SGF29: variants seen among roughly 807,000 people sequenced by gnomAD.
SGF29 encodes the protein SAGA complex associated factor 29, also known as SAGA-associated factor 29.
In SGF29, 15 loss-of-function variants were observed where a neutral mutation model predicts 38.1. The observed-to-expected ratio is 0.39, with a 90% CI of 0.26 to 0.61. The LOEUF (loss-of-function observed/expected upper bound fraction) is 0.61. SGF29 is among the 20% of genes least tolerant of loss of function. SGF29 has a pLI of 0.49. For synonymous variants in SGF29, 151 were observed against 160.8 expected, an observed-to-expected ratio of 0.94 and a Z score of 0.46; for missense variants, 184 against 394.6, an observed-to-expected ratio of 0.47 and a Z score of 4.52.
chr16:28,554,555 C>T (rs531998160), intron 1 of SGF29, among the ~76,000 whole-genome samples: 2 of 152,152 alleles, frequency 1.3e-5, no homozygotes, highest in African/African-American at 2.4e-5. Flanking sequence ...GCTCAACCTC[C>T]CGCCTCGGCC....
chr16:28,556,206 G>C (rs1401245639), intron 1 of SGF29, among the ~76,000 whole-genome samples: 2 of 152,128 alleles, frequency 1.3e-5, no homozygotes, highest in Non-Finnish European at 2.9e-5. Flanking sequence ...GTCTCGCTCT[G>C]TCACCCAGGC....
chr16:28,575,583 G>A (rs541264684), intron 1 of SGF29, among the ~76,000 whole-genome samples: 5 of 152,344 alleles, frequency 3.3e-5, no homozygotes, highest in Admixed American at 3.3e-4. Context: ...TACTCAGGAG[G>A]CTGAGGCAGG....
At position 28,590,647 on chromosome 16, in the gene SGF29, A is replaced by G. The variant is rs1467355196; in HGVS notation, c.583A>G (p.Ile195Val). Residue 195 changes from isoleucine to valine, a missense_variant, in exon 8 of 10, where the codon ATC becomes GTC. Transcript: ENST00000317058. This position sits in a 1 kb window ranked among gnomAD's most constrained non-coding sequence, Gnocchi z 8.2. ...HATNKYEVDD[I>V]DEEGKERHTL... ...TGTCTGCAGGTATGAGGTAGATGAC[A>G]TCGATGAAGAAGGCAAAGAGTGAGT... The G allele has an allele frequency of 3.1e-6, 5 of 1,613,884 alleles. No individual in the cohort carries two copies. Among genetic ancestry groups the G allele is most frequent in the Non-Finnish European group, 4.2e-6 (5 of 1,180,014 alleles).
Position 28,584,920 on chromosome 16 carries a change from G to A in SGF29, c.83G>A (p.Arg28His), listed in dbSNP as rs763940356. The A allele has an allele frequency of 8.1e-6, 13 of 1,613,262 alleles. No individual in the cohort carries two copies. The highest frequency in any genetic ancestry group is 1.7e-5 in the Admixed American group (1 of 59,968). Reference protein sequence around the residue: ...HQLIKQTQEERSRSEHNLVNI... With the variant: ...HQLIKQTQEEHSRSEHNLVNI... Reference sequence around the variant, plus strand: ...CTGCTCTTTTCCTTACAGGAAGAGCGTTCGCGGAGCGAACACAACTTAGTG... The same window carrying A: ...CTGCTCTTTTCCTTACAGGAAGAGCATTCGCGGAGCGAACACAACTTAGTG... Residue 28 changes from arginine (R) to histidine (H), a missense_variant, in exon 3 of 10, where the codon CGT becomes CAT. Physicochemically the swap from Arg to His is conservative, Grantham distance 29. Coordinates refer to ENST00000317058, the MANE Select transcript of SGF29 (RefSeq NM_138414.3).
chr16:28,554,391 A>G (rs961610530), intron 1 of SGF29, among the ~76,000 whole-genome samples: 4 of 152,242 alleles, frequency 2.6e-5, no homozygotes, highest in African/African-American at 7.2e-5. Flanking sequence ...GCACGGACGC[A>G]GCTTCCAGGT....
chr16:28,568,599 G>C (rs180716811), intron 1 of SGF29, among the ~76,000 whole-genome samples: 1 of 151,460 alleles, frequency 6.6e-6, no homozygotes, highest in Non-Finnish European at 1.5e-5. Context: ...GGGTGGTTGG[G>C]GGGGGCTCAC....
chr16:28,564,720 T>C (rs1267318245), intron 1 of SGF29, among the ~76,000 whole-genome samples: 7 of 86,236 alleles, frequency 8.1e-5, no homozygotes, highest in African/African-American at 2.2e-4. Flanking sequence ...TATATATGTA[T>C]ATATATACAT....
chr16:28,562,023 T>C (rs1482903680), intron 1 of SGF29, among the ~76,000 whole-genome samples: 2 of 152,206 alleles, frequency 1.3e-5, no homozygotes, highest in Non-Finnish European at 2.9e-5. Flanking sequence ...GCTTGTTCTC[T>C]CAGACAAGCC....
chr16:28,564,535 A>ATGTG (rs1382022028), intron 1 of SGF29, among the ~76,000 whole-genome samples: 1 of 114,024 alleles, frequency 8.8e-6, no homozygotes, highest in Non-Finnish European at 1.8e-5. Context: ...GTGTATATAT[A>ATGTG]TATGTATATA....
At chr16:28,585,135 T>C in intron 3 of SGF29, 147 bp downstream of exon 3, 1 of 617,676 alleles carries the variant, frequency 1.6e-6, no homozygotes, top group South Asian at 2.1e-5. Flanking sequence ...CAGCTTTCCG[T>C]TAATCTGGGT....
chr16:28,590,842 T>G lies in SGF29; in HGVS notation c.672T>G (p.Pro224=). The stretch of plus-strand genomic sequence containing the variant: ...GGAAGGCCAACCCGGAGACGGACCC[T>G]GAGGCCTTGTTCCAGAAGGAGCAGC... The part of the protein sequence containing the change: ...PQWKANPETD[P]EALFQKEQLV... Residue 224 remains proline, a synonymous_variant, in exon 9 of 10, where the codon CCT becomes CCG. Coordinates refer to ENST00000317058, the MANE Select transcript of SGF29 (RefSeq NM_138414.3). This position sits in a 1 kb window ranked among gnomAD's most constrained non-coding sequence, Gnocchi z 8.2. 1 of 1,614,036 alleles carries G rather than the reference T, an allele frequency of 6.2e-7. No individual in the cohort carries two copies. The highest frequency in any genetic ancestry group is 8.5e-7 in the Non-Finnish European group (1 of 1,179,962).
At chr16:28,561,215 G>A (rs973721423) in intron 1 of SGF29, among the ~76,000 whole-genome samples, 8 of 151,796 alleles carry the variant, frequency 5.3e-5, no homozygotes, top group Non-Finnish European at 5.9e-5. Flanking sequence ...AACATAGTGA[G>A]ACCCCATCTC....
chr16:28,582,681 T>C lies in SGF29; in HGVS notation c.75+1537T>C, dbSNP rs151072848. On this transcript the variant is annotated intron_variant, in intron 2 of 9. Coordinates refer to ENST00000317058, the MANE Select transcript of SGF29 (RefSeq NM_138414.3). ...AAAAAGGGCTGGGCGTGGTAACTCA[T>C]GCCTGTAATCCCAGCATGTTGGGAG... Among the ~76,000 whole-genome samples the C allele has an allele frequency of 9.3e-3, 1,411 of 152,298 alleles. 26 individuals are homozygous for C. The highest frequency in any genetic ancestry group is 0.033 in the African/African-American group (1,352 of 41,572).
intron 1 of SGF29, among the ~76,000 whole-genome samples, chr16:28,580,853 T>G (rs567267297): frequency 6.6e-6 from 1 of 152,282 alleles, no homozygotes; most frequent in Admixed American, 6.5e-5. Context: ...GGCTAAGTTT[T>G]TAATTTTTTT....
intron 1 of SGF29, among the ~76,000 whole-genome samples, chr16:28,561,961 T>C (rs1414116979): frequency 2.0e-5 from 3 of 152,240 alleles, no homozygotes; most frequent in South Asian, 4.1e-4. Context: ...TTTAGACTTA[T>C]GACTGACCAG....
chr16:28,564,772 TGTATATATATATATACACACAC>T (rs2046825733), intron 1 of SGF29, among the ~76,000 whole-genome samples: 1 of 41,056 alleles, frequency 2.4e-5, no homozygotes, highest in Admixed American at 3.2e-4. Context: ...TGTATATATA[TGTATATATATATATACACACAC>T]ACACACACAC....
intron 9 of SGF29, 87 bp downstream of exon 9, chr16:28,591,022 C>G: frequency 6.9e-7 from 1 of 1,442,656 alleles, no homozygotes; most frequent in Non-Finnish European, 9.2e-7. Flanking sequence ...CACTCCTTCC[C>G]TTTGTCCTCA....
intron 5 of SGF29, 69 bp downstream of exon 5, chr16:28,589,233 C>T: frequency 6.4e-7 from 1 of 1,558,222 alleles, no homozygotes; most frequent in South Asian, 1.1e-5. Flanking sequence ...GGGCAGCAGT[C>T]ACCCTCCTGT....
chr16:28,571,289 G>A (rs958199570), intron 1 of SGF29, among the ~76,000 whole-genome samples: 1 of 152,004 alleles, frequency 6.6e-6, no homozygotes, highest in East Asian at 1.9e-4. Context: ...CTTCAGAACT[G>A]TGAGCAATAA....
Sources: allele counts gnomAD v4.1 joint callset (sites outside exome capture counted in the v4.1 genomes callset), GRCh38; gene constraint gnomAD v4.1.1; non-coding constraint Gnocchi (gnomAD v3.1); transcripts MANE v1.5; gene names NCBI Gene and HGNC (gene_info 2026-07-23, HGNC 2026-07-21).